SIL1: variants seen among roughly 807,000 people sequenced by gnomAD.
SIL1 encodes the protein nucleotide exchange factor SIL1.
In SIL1, 40 loss-of-function variants were observed where a neutral mutation model predicts 49.1. That is an observed-to-expected ratio of 0.81 (90% CI 0.63 to 1.06). The LOEUF (loss-of-function observed/expected upper bound fraction) is 1.06. Among genes scored for constraint, SIL1 ranks in the 50% least tolerant of loss-of-function variants. SIL1 has a pLI of 0.00. For synonymous variants in SIL1, 253 were observed against 250.8 expected, an observed-to-expected ratio of 1.01 and a Z score of -0.08; for missense variants, 500 against 572.6, an observed-to-expected ratio of 0.87 and a Z score of 1.29.
chr5:139,020,530 C>A (rs1391102987), intron 7 of SIL1, among the ~76,000 whole-genome samples: 2 of 152,194 alleles, frequency 1.3e-5, no homozygotes, highest in African/African-American at 2.4e-5. Flanking sequence ...ATGGGAGGAA[C>A]AATAGCTCCA....
chr5:139,084,043 T>G (rs1770153538), intron 3 of SIL1, among the ~76,000 whole-genome samples: 1 of 141,832 alleles, frequency 7.1e-6, no homozygotes, highest in African/African-American at 2.6e-5. Flanking sequence ...GATCTATATC[T>G]CTGTTTTGGT....
intron 1 of SIL1, among the ~76,000 whole-genome samples, chr5:139,135,720 A>G (rs1261104979): frequency 6.6e-6 from 1 of 152,070 alleles, no homozygotes; most frequent in African/African-American, 2.4e-5. Flanking sequence ...AAAAAAAAAA[A>G]AAAAAAACTG....
At chr5:138,970,645 T>C (rs1767248474) in intron 7 of SIL1, among the ~76,000 whole-genome samples, 1 of 152,144 alleles carries the variant, frequency 6.6e-6, no homozygotes, top group South Asian at 2.1e-4. Context: ...TTTCTCCCTG[T>C]AAACAGCCAA....
intron 3 of SIL1, among the ~76,000 whole-genome samples, chr5:139,053,365 T>C (rs1465526926): frequency 6.6e-6 from 1 of 152,232 alleles, no homozygotes; most frequent in East Asian, 1.9e-4. Context: ...CCCCCACTGC[T>C]TTTGTCTGAA....
At chr5:139,117,739 T>C (rs892602738) in intron 3 of SIL1, among the ~76,000 whole-genome samples, 2 of 152,084 alleles carry the variant, frequency 1.3e-5, no homozygotes, top group Admixed American at 1.3e-4. Context: ...AAATCACTTC[T>C]AGGAACAAGC....
At chr5:139,193,332 G>A (rs1294499277) in intron 1 of SIL1, among the ~76,000 whole-genome samples, 2 of 152,190 alleles carry the variant, frequency 1.3e-5, no homozygotes, top group African/African-American at 4.8e-5. Context: ...GGGAGACTGA[G>A]GTGGGCAGAT....
chr5:139,140,042 A>G (rs767199755), intron 1 of SIL1, among the ~76,000 whole-genome samples: 2 of 152,120 alleles, frequency 1.3e-5, no homozygotes, highest in Admixed American at 6.5e-5. Context: ...AGGCCGAGGC[A>G]GGTGGATCAC....
In SIL1 at chr5:138,947,420, C is replaced by A. The variant is rs1766660050; in HGVS notation, c.1083G>T (p.Leu361=). 6.2e-7 allele frequency: 1 copy of A among 1,613,528 alleles called. No individual in the cohort carries two copies. Among genetic ancestry groups the A allele is most frequent in the Non-Finnish European group, 8.5e-7 (1 of 1,180,050 alleles). Residue 361 remains leucine, a synonymous_variant, in exon 10 of 10, where the codon CTG becomes CTT. Coordinates refer to ENST00000394817, the MANE Select transcript of SIL1 (RefSeq NM_022464.5). This position sits in a 1 kb window ranked among gnomAD's most constrained non-coding sequence, Gnocchi z 4.1. ...ELTQEMSPEK[L]QQYRQVHLLP... ...GGAGGTGTACCTGGCGATACTGCTG[C>A]AGCTTCTCTGGGGACATCTCCTGGG...
chr5:139,059,398 G>A lies in SIL1; in HGVS notation c.245-8352C>T, dbSNP rs191893185. Among the ~76,000 whole-genome samples, 11 of 152,316 alleles carry A rather than the reference G, an allele frequency of 7.2e-5. No homozygotes were observed. In the South Asian group the frequency reaches 8.3e-4, roughly 11 times the overall value. ...AAGGCCCCACCGGCCATGTGGAACT[G>A]TGAGTCCATTAAACCTCTTTCCTTT... On this transcript the variant is annotated intron_variant, in intron 3 of 9. Coordinates refer to ENST00000394817, the MANE Select transcript of SIL1 (RefSeq NM_022464.5).
At chr5:139,011,270 C>T (rs1272421785) in intron 7 of SIL1, among the ~76,000 whole-genome samples, 1 of 151,980 alleles carries the variant, frequency 6.6e-6, no homozygotes, top group African/African-American at 2.4e-5. Context: ...AAAGGGAACT[C>T]CCTGACCCCT....
intron 3 of SIL1, among the ~76,000 whole-genome samples, chr5:139,055,166 T>A (rs1456841142): frequency 1.3e-5 from 2 of 152,110 alleles, no homozygotes; most frequent in African/African-American, 2.4e-5. Flanking sequence ...CTCCAGCTCC[T>A]TCAGAGCTGA....
chr5:138,994,434 T>C (rs1033727783), intron 7 of SIL1, among the ~76,000 whole-genome samples: 2 of 152,076 alleles, frequency 1.3e-5, no homozygotes, highest in Admixed American at 1.3e-4. Flanking sequence ...ATGGAAAAAA[T>C]TATGATGTTT....
chr5:139,130,402 A>T (rs1750841585), intron 1 of SIL1, among the ~76,000 whole-genome samples: 1 of 152,242 alleles, frequency 6.6e-6, no homozygotes, highest in African/African-American at 2.4e-5. Flanking sequence ...ACCATGAGGG[A>T]AATGCAAATC....
intron 7 of SIL1, among the ~76,000 whole-genome samples, chr5:138,994,166 A>G (rs1372639381): frequency 1.2e-4 from 19 of 152,196 alleles, no homozygotes; most frequent in Admixed American, 1.2e-3. Flanking sequence ...AGACATTGCA[A>G]TAAGAAAGAG....
chr5:139,157,102 T>G (rs1751421698), intron 1 of SIL1, among the ~76,000 whole-genome samples: 1 of 152,182 alleles, frequency 6.6e-6, no homozygotes, highest in Admixed American at 6.5e-5. Flanking sequence ...CTCATGAGCC[T>G]CTCCTTTCTC....
intron 3 of SIL1, among the ~76,000 whole-genome samples, chr5:139,057,742 G>A (rs865924167): frequency 6.6e-6 from 1 of 152,306 alleles, no homozygotes; most frequent in East Asian, 1.9e-4. Flanking sequence ...CTATAACAGA[G>A]TAACTTAGAC....
intron 3 of SIL1, among the ~76,000 whole-genome samples, chr5:139,111,585 C>G (rs1045905380): frequency 2.0e-5 from 3 of 152,182 alleles, no homozygotes; most frequent in Non-Finnish European, 2.9e-5. Context: ...CTCTGTCATG[C>G]CCACCATGGT....
In SIL1 at chr5:138,951,790, T is replaced by C. The variant is rs1249545493; in HGVS notation, c.862A>G (p.Lys288Glu). Residue 288 changes from lysine (K) to glutamate (E), a missense_variant and splice_region_variant, in exon 8 of 10, where the codon AAG (lysine) becomes GAG (glutamate). Lys to Glu is a moderately conservative substitution (Grantham distance 56). Coordinates refer to ENST00000394817, the MANE Select transcript of SIL1 (RefSeq NM_022464.5). ...GGAGGAAGGGCATGGAAACACACCT[T>C]CTTCTTTGCAGTGAGCGGCTGCTCC... ...ATEQPLTAKK[K>E]VLFALCSLLR... 6.2e-7 allele frequency: 1 copy of C among 1,613,904 alleles called. No homozygotes were observed. The highest frequency in any genetic ancestry group is 1.1e-5 in the South Asian group (1 of 91,032).
At chr5:139,101,179 C>G (rs1770579577) in intron 3 of SIL1, among the ~76,000 whole-genome samples, 1 of 152,086 alleles carries the variant, frequency 6.6e-6, no homozygotes, top group Admixed American at 6.5e-5. Context: ...AACCTTAACT[C>G]TCCCTCACCT....
Sources: gnomAD v4.1 joint callset for allele counts (sites outside exome capture counted in the v4.1 genomes callset) on GRCh38, gnomAD v4.1.1 for gene constraint, Gnocchi (gnomAD v3.1) non-coding constraint, MANE v1.5 for transcripts, NCBI Gene and HGNC (gene_info 2026-07-23, HGNC 2026-07-21) for gene names.